The following TNFSF14 variants were observed in gnomAD, a reference collection of about 807,000 sequenced individuals.
The protein encoded by TNFSF14 is tumor necrosis factor ligand superfamily member 14.
In TNFSF14, 15 loss-of-function variants were observed where a neutral mutation model predicts 22.7. The observed-to-expected ratio is 0.66, with a 90% CI of 0.44 to 1.02. TNFSF14 has a LOEUF of 1.02. Ranked by LOEUF, TNFSF14 falls within the 50% of genes least tolerant of loss-of-function variation. The pLI is 0.00. For synonymous variants in TNFSF14, 133 were observed against 139.6 expected, an observed-to-expected ratio of 0.95 and a Z score of 0.33; for missense variants, 287 against 326.2, an observed-to-expected ratio of 0.88 and a Z score of 0.93.
chr19:6,667,623 C>T (rs1917471116), intron 1 of TNFSF14, among the ~76,000 whole-genome samples, 174 bp from the exon 2 acceptor site: 1 of 152,246 alleles, frequency 6.6e-6, no homozygotes, highest in South Asian at 2.1e-4. Flanking sequence ...AGAGGCCTCA[C>T]AACCACTTGG....
intron 1 of TNFSF14, among the ~76,000 whole-genome samples, chr19:6,668,040 A>ATAAATAAATAAATAAAAGGGT (rs1917480482): frequency 1.3e-5 from 2 of 151,964 alleles, no homozygotes; most frequent in African/African-American, 4.8e-5. Flanking sequence ...ATCTCAAAAA[A>ATAAATAAATAAATAAAAGGGT]TAAATAAATA....
chr19:6,669,630 C>A (rs960907911), intron 1 of TNFSF14, among the ~76,000 whole-genome samples: 1 of 152,016 alleles, frequency 6.6e-6, no homozygotes, highest in African/African-American at 2.4e-5. Flanking sequence ...AAGAGACTGC[C>A]CTTATTTTGT....
chr19:6,665,784 C>A (rs1024999629), intron 3 of TNFSF14, among the ~76,000 whole-genome samples: 3 of 140,564 alleles, frequency 2.1e-5, no homozygotes, highest in Non-Finnish European at 3.1e-5. Flanking sequence ...TGCATGTGTG[C>A]GTGTGTGTGT....
In TNFSF14 at chr19:6,669,893, C is replaced by T. The variant is rs1405154976; in HGVS notation, c.177G>A (p.Leu59=). Residue 59 remains leucine (L), a synonymous_variant, in exon 1 of 4, where the codon CTG becomes CTA. Transcript: ENST00000675206. ...TCTCTCCTAGACGCCAGTGCAGCTG[C>T]AGGAGGAACCAGCCTTGGACGGCCA... is the stretch of plus-strand genomic sequence containing the variant. The part of the protein sequence containing the change: ...AGLAVQGWFL[L]QLHWRLGEMV... The T allele has an allele frequency of 6.2e-7, 1 of 1,613,720 alleles. No individual in the cohort carries two copies. Among genetic ancestry groups the T allele is most frequent in the South Asian group, 1.1e-5 (1 of 91,064 alleles).
intron 3 of TNFSF14, among the ~76,000 whole-genome samples, chr19:6,665,786 T>TGTGC: frequency 2.2e-5 from 1 of 45,286 alleles, no homozygotes; most frequent in Non-Finnish European, 4.9e-5. Flanking sequence ...CATGTGTGCG[T>TGTGC]GTGTGTGTGT....
At chr19:6,666,166 G>C (rs1421814003) in intron 3 of TNFSF14, among the ~76,000 whole-genome samples, 1 of 151,946 alleles carries the variant, frequency 6.6e-6, no homozygotes, top group Non-Finnish European at 1.5e-5. Context: ...GCTGAGACAG[G>C]AAGATCCCCT....
chr19:6,664,967 G>T lies in TNFSF14; in HGVS notation c.682C>A (p.Arg228Ser). The T allele has an allele frequency of 6.2e-7, 1 of 1,608,920 alleles. No homozygotes were observed. Among genetic ancestry groups the T allele is most frequent in the South Asian group, 1.1e-5 (1 of 90,786 alleles). The change falls in exon 4 of 4, where the codon CGT becomes AGT. Residue 228 changes from arginine to serine, a missense_variant. Physicochemically the swap from Arg to Ser is moderately radical, Grantham distance 110 (BLOSUM62 -1). Transcript: ENST00000675206. This position sits in a 1 kb window ranked among gnomAD's most constrained non-coding sequence, Gnocchi z 4.7. The stretch of plus-strand genomic sequence containing the variant: ...CCGAAGTAAGACCGGGTACCATCAC[G>T]CAGTCGAACCAGGCGTTCATCCAGC... ...RVLDERLVRLRDGTRSYFGAF... is the reference protein window; with the variant it reads ...RVLDERLVRLSDGTRSYFGAF...
At chr19:6,666,079 C>T (rs555141177) in intron 3 of TNFSF14, among the ~76,000 whole-genome samples, 4 of 152,096 alleles carry the variant, frequency 2.6e-5, no homozygotes, top group South Asian at 2.1e-4. Context: ...GGCATGGAAC[C>T]GTTAAGTGAT....
chr19:6,667,589 C>G, intron 1 of TNFSF14, 140 bp from the exon 2 acceptor site: 1 of 878,344 alleles, frequency 1.1e-6, no homozygotes, highest in East Asian at 3.3e-5. Context: ...CATACTCTCA[C>G]TTGCAGACAC....
Position 6,669,970 on chromosome 19 carries a change from T to A in TNFSF14, c.100A>T (p.Ser34Cys). Residue 34 changes from serine to cysteine, a missense_variant, in exon 1 of 4, where the codon AGT (serine) becomes TGT (cysteine). Transcript: ENST00000675206. Reference protein sequence around the residue: ...LGRSHRRQSCSVARVGLGLLL... With the variant: ...LGRSHRRQSCCVARVGLGLLL... ...AGACCCAGACCCACCCGGGCCACAC[T>A]GCACGACTGTCTCCGGTGGCTTCGT... 1 of 1,613,770 alleles carries A rather than the reference T, an allele frequency of 6.2e-7. No individual in the cohort carries two copies. The highest frequency in any genetic ancestry group is 8.5e-7 in the Non-Finnish European group (1 of 1,179,930).
At chr19:6,667,332 C>A in intron 2 of TNFSF14, 81 bp downstream of exon 2, 2 of 1,479,510 alleles carry the variant, frequency 1.4e-6, no homozygotes, top group African/African-American at 1.5e-5. Context: ...TTGTGCAAAT[C>A]ATATTGGGCA....
At chr19:6,668,874 G>A (rs530008767) in intron 1 of TNFSF14, among the ~76,000 whole-genome samples, 2 of 152,356 alleles carry the variant, frequency 1.3e-5, no homozygotes, top group African/African-American at 2.4e-5. Context: ...ATCCATGTGC[G>A]TCTACAGACA....
chr19:6,665,061 G>A lies in TNFSF14; in HGVS notation c.588C>T (p.Val196=), dbSNP rs751321082. The change falls in exon 4 of 4, where the codon GTC becomes GTT. Residue 196 remains valine (V), a synonymous_variant. Transcript: ENST00000675206. Reference sequence around the variant, plus strand: ...CACCCAGGAAGCTGCTGTCCCACCAGACCCGGGAGCTGCTGGTGGCCCGTC... The same window carrying A: ...CACCCAGGAAGCTGCTGTCCCACCAAACCCGGGAGCTGCTGGTGGCCCGTC... The part of the protein sequence containing the change: ...PCGRATSSSR[V]WWDSSFLGGV... 1.2e-6 allele frequency: 2 copies of A among 1,614,136 alleles called. No homozygotes were observed. The highest frequency in any genetic ancestry group is 2.2e-5 in the South Asian group (2 of 91,086).
chr19:6,665,071 C>A lies in TNFSF14; in HGVS notation c.578G>T (p.Ser193Ile), dbSNP rs374919061. Reference sequence around the variant, plus strand: ...GCTGCTGTCCCACCAGACCCGGGAGCTGCTGGTGGCCCGTCCGCAGGGTGA... The same window carrying A: ...GCTGCTGTCCCACCAGACCCGGGAGATGCTGGTGGCCCGTCCGCAGGGTGA... ...QQSPCGRATS[S>I]SRVWWDSSFL... The change falls in exon 4 of 4, where the codon AGC becomes ATC. Residue 193 changes from serine (S) to isoleucine (I), a missense_variant. By Grantham distance (142) the Ser-to-Ile change is moderately radical (BLOSUM62 -2). Transcript: ENST00000675206. The A allele has an allele frequency of 1.2e-6, 2 of 1,614,122 alleles. No homozygotes were observed. Among genetic ancestry groups the A allele is most frequent in the South Asian group, 1.1e-5 (1 of 91,088 alleles).
chr19:6,665,073 G>A lies in TNFSF14; in HGVS notation c.576C>T (p.Ser192=). The part of the protein sequence containing the change: ...SQQSPCGRAT[S]SSRVWWDSSF... ...TGCTGTCCCACCAGACCCGGGAGCT[G>A]CTGGTGGCCCGTCCGCAGGGTGACT... The change falls in exon 4 of 4, where the codon AGC becomes AGT. Residue 192 remains serine, a synonymous_variant. Transcript: ENST00000675206. The A allele has an allele frequency of 6.2e-7, 1 of 1,614,116 alleles. No homozygotes were observed. Among genetic ancestry groups the A allele is most frequent in the Non-Finnish European group, 8.5e-7 (1 of 1,179,960 alleles).
At position 6,664,915 on chromosome 19, in the gene TNFSF14, C is replaced by A. The variant is rs759740843; in HGVS notation, c.*11G>T. 1.9e-6 allele frequency: 3 copies of A among 1,573,064 alleles called. No individual in the cohort carries two copies. Among genetic ancestry groups the A allele is most frequent in the Non-Finnish European group, 8.7e-7 (1 of 1,154,770 alleles). ...TGTCAGACCCATGTCCAATGCACCA[C>A]GCTCCTTCCTTCACACCATGAAAGC... On this transcript the variant is annotated 3_prime_UTR_variant, in exon 4 of 4. Transcript: ENST00000675206. The surrounding 1 kb of genome is among the most constrained non-coding windows in gnomAD (Gnocchi z 4.7).
rs1373590483 is a variant in TNFSF14, at chr19:6,669,882, CAGTGCA to C, written c.182_187del (p.Leu61_Trp63delinsArg). 1.2e-6 allele frequency: 2 copies of C among 1,613,410 alleles called. No homozygotes were observed. ...GCGGGTGACCATCTCTCCTAGACGC[CAGTGCA>C]GCTGCAGGAGGAACCAGCCTTGGAC... On this transcript the variant is annotated inframe_deletion, in exon 1 of 4. Coordinates refer to ENST00000675206, the MANE Select transcript of TNFSF14 (RefSeq NM_001376887.1).
chr19:6,667,290 T>TG lies in TNFSF14; in HGVS notation c.256+122dup, dbSNP rs3215060. On this transcript the variant is annotated intron_variant, in intron 2 of 3. Transcript: ENST00000675206. ...GACCCAAACTTCTGCTTCTCAGGCCTGGGGGAGGGGCACCTGTGAGGATTT... is the reference window on the plus strand; with the variant it reads ...GACCCAAACTTCTGCTTCTCAGGCCTGGGGGGAGGGGCACCTGTGAGGATTT... 3.5e-6 allele frequency: 5 copies of TG among 1,437,118 alleles called. No individual in the cohort carries two copies. In the East Asian group the frequency reaches 1.3e-4, roughly 38 times the overall value. 89.0% of individuals were successfully genotyped at this position (1,437,118 alleles called of 1,614,324 possible). A position where few individuals can be genotyped will look rare whatever the true frequency, so the allele number is the denominator to read the frequency against.
At chr19:6,666,045 C>T (rs1361365401) in intron 3 of TNFSF14, among the ~76,000 whole-genome samples, 1 of 152,008 alleles carries the variant, frequency 6.6e-6, no homozygotes, top group Non-Finnish European at 1.5e-5. Context: ...CTTTGCATCC[C>T]TCTTTTGCAG....
Sources: gnomAD v4.1 joint callset for allele counts (sites outside exome capture counted in the v4.1 genomes callset) on GRCh38, gnomAD v4.1.1 for gene constraint, Gnocchi (gnomAD v3.1) non-coding constraint, MANE v1.5 for transcripts, NCBI Gene and HGNC (gene_info 2026-07-23, HGNC 2026-07-21) for gene names.